CNOT9: variants seen among roughly 807,000 people sequenced by gnomAD.
CNOT9 encodes RCD1 required for cell differentiation1 homolog.
CNOT9 carries 8 observed loss-of-function variants against 37.4 expected under a neutral mutation model. That is an observed-to-expected ratio of 0.21 (90% CI 0.13 to 0.39). The LOEUF (loss-of-function observed/expected upper bound fraction) is 0.39. CNOT9 is among the 10% of genes least tolerant of loss of function. CNOT9 has a pLI of 1.00. For missense variants in CNOT9, 154 were observed against 365.3 expected, an observed-to-expected ratio of 0.42 and a Z score of 4.71; for synonymous variants, 120 against 137.6, an observed-to-expected ratio of 0.87 and a Z score of 0.90.
rs541656975 is a variant in CNOT9 at position 218,580,417 on chromosome 2, T to G, written c.25-144T>G. On this transcript the variant is annotated intron_variant, in intron 1 of 7. Transcript: ENST00000273064. ...TTTTCATCAGTAACTACCAAAGAGA[T>G]TGAATAGTTGACATCAAATGTATGT... 48 of 621,446 alleles carry G rather than the reference T, an allele frequency of 7.7e-5. 1 individual carries two copies. In the South Asian group the frequency reaches 1.1e-3, roughly 14 times the overall value. The allele number at this position is 621,446 out of a possible 1,614,324, so 38.5% of individuals were successfully genotyped here.
At chr2:218,581,253 C>G (rs974728264) in intron 2 of CNOT9, 3 of 198,710 alleles carry the variant, frequency 1.5e-5, no homozygotes, top group African/African-American at 7.2e-5. Flanking sequence ...ACTGCAACCT[C>G]TGCCTCCCGG....
intron 5 of CNOT9, among the ~76,000 whole-genome samples, chr2:218,591,526 G>A (rs895567152): frequency 1.3e-5 from 2 of 152,078 alleles, no homozygotes; most frequent in African/African-American, 2.4e-5. Flanking sequence ...GGTGGATCAC[G>A]AGGTCAGGGA....
intron 3 of CNOT9, 24 bp downstream of exon 3, chr2:218,583,110 TG>T (rs1264537228): frequency 1.4e-6 from 2 of 1,446,472 alleles, no homozygotes; most frequent in Non-Finnish European, 1.9e-6. Context: ...GTGAGTCACT[TG>T]GGGGAGATAT....
chr2:218,588,374 C>T (rs673764), intron 5 of CNOT9, among the ~76,000 whole-genome samples: 69,990 of 150,556 alleles, frequency 0.46, 19,387 homozygotes, highest in East Asian at 0.78. Flanking sequence ...TTGCAACCTC[C>T]GCCTCCCGGG....
chr2:218,582,960 C>A lies in CNOT9; in HGVS notation c.205-11C>A. 3 of 1,488,010 alleles carry A rather than the reference C, an allele frequency of 2.0e-6. No individual in the cohort carries two copies. Among genetic ancestry groups the A allele is most frequent in the African/African-American group, 1.4e-5 (1 of 71,872 alleles). The allele number at this position is 1,488,010 out of a possible 1,614,324, so 92.2% of individuals were successfully genotyped here. On this transcript the variant is annotated splice_polypyrimidine_tract_variant and intron_variant, in intron 2 of 7. Transcript: ENST00000273064. Reference sequence around the variant, plus strand: ...TTCCTTATTCATCTGATGCTGATTTCCATTTTTTAGGAAATTGTAAATATT... The same window carrying A: ...TTCCTTATTCATCTGATGCTGATTTACATTTTTTAGGAAATTGTAAATATT...
rs1694811482 is a variant in CNOT9, at chr2:218,592,453, A to T, written c.639+51A>T. On this transcript the variant is annotated intron_variant, in intron 6 of 7. Transcript: ENST00000273064. This position sits in a 1 kb window ranked among gnomAD's most constrained non-coding sequence, Gnocchi z 4.1. ...ACAACTACTTCTCATCACAAAGCTT[A>T]ATCTCTTTATAACTGGCATTGAACA... The T allele has an allele frequency of 2.0e-6, 3 of 1,531,942 alleles. No homozygotes were observed. The East Asian group carries it at 6.7e-5, about 34-fold the overall frequency. The allele number at this position is 1,531,942 out of a possible 1,614,324, so 94.9% of individuals were successfully genotyped here.
Position 218,592,527 on chromosome 2 carries a change from C to G in CNOT9, c.640-89C>G. On this transcript the variant is annotated intron_variant, in intron 6 of 7. Coordinates refer to ENST00000273064, the MANE Select transcript of CNOT9 (RefSeq NM_005444.3). The surrounding 1 kb of genome is among the most constrained non-coding windows in gnomAD (Gnocchi z 4.1). ...AACAATTTTGGAACCTTTTATGATT[C>G]TTGGACTATCTGATCTCTGATGTCA... The G allele has an allele frequency of 1.3e-6, 2 of 1,503,232 alleles. No individual in the cohort carries two copies. The highest frequency in any genetic ancestry group is 1.9e-6 in the Non-Finnish European group (2 of 1,079,006). The allele number at this position is 1,503,232 out of a possible 1,614,324, so 93.1% of individuals were successfully genotyped here. A position where few individuals can be genotyped will look rare whatever the true frequency, so the allele number is the denominator to read the frequency against.
Position 218,592,159 on chromosome 2 carries a change from C to A in CNOT9, c.541-145C>A. ...AATATTTATTATTCTTTGTACTATA[C>A]ATATATGATAAAGTTGTACATAATA... On this transcript the variant is annotated intron_variant, in intron 5 of 7. Coordinates refer to ENST00000273064, the MANE Select transcript of CNOT9 (RefSeq NM_005444.3). The surrounding 1 kb of genome is among the most constrained non-coding windows in gnomAD (Gnocchi z 4.1). The A allele has an allele frequency of 1.6e-6, 1 of 627,644 alleles. No homozygotes were observed. Among genetic ancestry groups the A allele is most frequent in the South Asian group, 1.9e-5 (1 of 52,646 alleles). 38.9% of individuals were successfully genotyped at this position (627,644 alleles called of 1,614,324 possible).
In CNOT9 at chr2:218,595,810, G is replaced by A. The variant is rs1027856784; in HGVS notation, c.*1534G>A. ...GCCAACACAAGGGCTCTTTCAAGCC[G>A]ACTTTCACAAAGAGAGCCGGACTTG... On this transcript the variant is annotated 3_prime_UTR_variant, in exon 8 of 8. Coordinates refer to ENST00000273064, the MANE Select transcript of CNOT9 (RefSeq NM_005444.3). The A allele has an allele frequency of 2.0e-5, 3 of 151,566 alleles. No homozygotes were observed. The highest frequency in any genetic ancestry group is 6.6e-5 in the Admixed American group (1 of 15,210). The allele number at this position is 151,566 out of a possible 1,614,324, so 9.4% of individuals were successfully genotyped here.
chr2:218,587,494 A>G (rs1694634167), intron 4 of CNOT9, 92 bp from the exon 5 acceptor site: 1 of 1,343,824 alleles, frequency 7.4e-7, no homozygotes, highest in African/African-American at 1.5e-5. Context: ...TCTGTTATTT[A>G]AGTTCACAAC....
In CNOT9 at chr2:218,580,712, C is replaced by T. The variant is rs866418872; in HGVS notation, c.176C>T (p.Ser59Leu). The stretch of plus-strand genomic sequence containing the variant: ...GACCTTGCACCCATGCTGTGGCATT[C>T]ATTTGGTACTATTGCAGCACTTTTA... The part of the protein sequence containing the change: ...VPDLAPMLWH[S>L]FGTIAALLQE... The change falls in exon 2 of 8, where the codon TCA (serine) becomes TTA (leucine). Residue 59 changes from serine to leucine, a missense_variant. Coordinates refer to ENST00000273064, the MANE Select transcript of CNOT9 (RefSeq NM_005444.3). 1 of 1,613,982 alleles carries T rather than the reference C, an allele frequency of 6.2e-7. No homozygotes were observed.
At chr2:218,580,851 T>G in intron 2 of CNOT9, 111 bp downstream of exon 2, 1 of 1,006,032 alleles carries the variant, frequency 9.9e-7, no homozygotes, top group Non-Finnish European at 1.5e-6. Flanking sequence ...TTTAAAAAAC[T>G]GCATTTGTAA....
At chr2:218,580,337 C>T (rs760631283) in intron 1 of CNOT9, among the ~76,000 whole-genome samples, 3 of 152,136 alleles carry the variant, frequency 2.0e-5, no homozygotes, top group Non-Finnish European at 4.4e-5. Flanking sequence ...CCAATTATAC[C>T]TACAGGATAA....
At chr2:218,586,693 T>TGGCCA (rs1379053619) in intron 4 of CNOT9, among the ~76,000 whole-genome samples, 2 of 152,140 alleles carry the variant, frequency 1.3e-5, no homozygotes, top group Non-Finnish European at 1.5e-5. Flanking sequence ...TTCACGATGT[T>TGGCCA]GGCCAGGCTG....
intron 1 of CNOT9, among the ~76,000 whole-genome samples, chr2:218,578,047 G>A (rs1694231676): frequency 6.6e-6 from 1 of 152,172 alleles, no homozygotes; most frequent in Admixed American, 6.5e-5. Flanking sequence ...TTAAGTTGAG[G>A]GCCTGTTTGT....
intron 5 of CNOT9, among the ~76,000 whole-genome samples, chr2:218,590,312 G>A (rs1409681718): frequency 6.6e-6 from 1 of 152,136 alleles, no homozygotes; most frequent in East Asian, 1.9e-4. Context: ...CAGGCAATCT[G>A]CCTGCCTCCA....
At position 218,595,230 on chromosome 2, in the gene CNOT9, ACT is replaced by A. The variant is rs1325081617; in HGVS notation, c.*957_*958del. 2.6e-5 allele frequency: 4 copies of A among 151,856 alleles called. No homozygotes were observed. Among genetic ancestry groups the A allele is most frequent in the Admixed American group, 6.6e-5 (1 of 15,216 alleles). 9.4% of individuals were successfully genotyped at this position (151,856 alleles called of 1,614,324 possible). The stretch of plus-strand genomic sequence containing the variant: ...AGTTTTCAAAGATATTTTCTCAATA[ACT>A]CTAAAAGGGAGGTGCTTGGGATTAA... On this transcript the variant is annotated 3_prime_UTR_variant, in exon 8 of 8. Transcript: ENST00000273064.
At chr2:218,574,539 C>G (rs568784952) in intron 1 of CNOT9, among the ~76,000 whole-genome samples, 1 of 152,186 alleles carries the variant, frequency 6.6e-6, no homozygotes, top group South Asian at 2.1e-4. Flanking sequence ...TCCTTGAGAC[C>G]AGATAGAACT....
rs533318845 is a variant in CNOT9 at position 218,584,261 on chromosome 2, T to G, written c.321-351T>G. Among the ~76,000 whole-genome samples, 6 of 152,324 alleles carry G rather than the reference T, an allele frequency of 3.9e-5. No individual in the cohort carries two copies. The East Asian group carries it at 1.2e-3, about 29-fold the overall frequency. The stretch of plus-strand genomic sequence containing the variant: ...CTTTGGCACCATTACCATTTGGGGC[T>G]GGATGAATCTTTGTGATGGAAAGGA... On this transcript the variant is annotated intron_variant, in intron 3 of 7. Transcript: ENST00000273064.
Sources: gnomAD v4.1 joint callset for allele counts (sites outside exome capture counted in the v4.1 genomes callset) on GRCh38, gnomAD v4.1.1 for gene constraint, Gnocchi (gnomAD v3.1) non-coding constraint, MANE v1.5 for transcripts, NCBI Gene and HGNC (gene_info 2026-07-23, HGNC 2026-07-21) for gene names.